CCDC106: variants seen among roughly 807,000 people sequenced by gnomAD.
CCDC106 encodes the protein coiled-coil domain containing 106.
In CCDC106, 17 loss-of-function variants were observed where a neutral mutation model predicts 24.7. That is an observed-to-expected ratio of 0.69 (90% CI 0.47 to 1.03). The LOEUF is 1.03. Among genes scored for constraint, CCDC106 ranks in the 50% least tolerant of loss-of-function variants. The pLI, the probability that CCDC106 is intolerant of heterozygous loss-of-function variation, is 0.00. For synonymous variants in CCDC106, 211 were observed against 161.3 expected, an observed-to-expected ratio of 1.31 and a Z score of -2.34; for missense variants, 337 against 388.9, an observed-to-expected ratio of 0.87 and a Z score of 1.12.
rs1244012689 is a variant in CCDC106 at position 55,649,535 on chromosome 19, C to T, written c.264C>T (p.Phe88=). 2 of 1,614,152 alleles carry T rather than the reference C, an allele frequency of 1.2e-6. No individual in the cohort carries two copies. The highest frequency in any genetic ancestry group is 1.1e-5 in the South Asian group (1 of 91,086). ...RIEDLEEERD[F]LRCQLDKFIS... ...AGGACCTGGAGGAAGAGAGGGACTTCCTGCGGTGCCAGCTGGACAAATTCA... is the reference window on the plus strand; with the variant it reads ...AGGACCTGGAGGAAGAGAGGGACTTTCTGCGGTGCCAGCTGGACAAATTCA... The change falls in exon 3 of 5, where the codon TTC becomes TTT. Residue 88 remains phenylalanine (F), a synonymous_variant. Transcript: ENST00000586790.
At chr19:55,650,694 G>C (rs1983191510) in intron 3 of CCDC106, among the ~76,000 whole-genome samples, 1 of 152,144 alleles carries the variant, frequency 6.6e-6, no homozygotes, top group South Asian at 2.1e-4. Context: ...GTTCCATCCT[G>C]GGTGACTGAC....
At position 55,651,407 on chromosome 19, in the gene CCDC106, C is replaced by T. The variant is rs1236259835; in HGVS notation, c.438C>T (p.Gly146=). The T allele has an allele frequency of 6.2e-7, 1 of 1,610,712 alleles. No homozygotes were observed. The highest frequency in any genetic ancestry group is 8.5e-7 in the Non-Finnish European group (1 of 1,178,700). Residue 146 remains glycine, a synonymous_variant, in exon 4 of 5, where the codon GGC becomes GGT. Coordinates refer to ENST00000586790, the MANE Select transcript of CCDC106 (RefSeq NM_001370470.1). ...CCCTCAGCGGAGCGTCCGAAGAAGG[C>T]AGCGCCAGTGAGAGGAGGCGGCAGA... ...ASSLSGASEE[G]SASERRRQKQ... is the part of the protein sequence containing the mutation.
rs1325802945 is a variant in CCDC106 at position 55,649,012 on chromosome 19, GC to G, written c.-32del. On this transcript the variant is annotated 5_prime_UTR_variant, in exon 1 of 5. Coordinates refer to ENST00000586790, the MANE Select transcript of CCDC106 (RefSeq NM_001370470.1). ...GCCGTTTCTGTCCAGTGCCCCTGAG[GC>G]CCTCGGCTGCTGGGGTCCGTAGGAA... is the stretch of plus-strand genomic sequence containing the variant. 9.3e-6 allele frequency: 15 copies of G among 1,610,764 alleles called. No homozygotes were observed. The highest frequency in any genetic ancestry group is 1.3e-5 in the Non-Finnish European group (15 of 1,178,728).
At chr19:55,651,225 G>T in intron 3 of CCDC106, 58 bp from the exon 4 acceptor site, 2 of 1,338,758 alleles carry the variant, frequency 1.5e-6, no homozygotes, top group Middle Eastern at 1.8e-4. Context: ...TCTCAGTCCC[G>T]GGACCTGTGA....
intron 4 of CCDC106, 60 bp downstream of exon 4, chr19:55,651,555 C>A (rs1983279479): frequency 8.3e-7 from 1 of 1,205,380 alleles, no homozygotes; most frequent in Non-Finnish European, 1.2e-6. Context: ...GCTGTGTGTC[C>A]TTCCCAGAGG....
At chr19:55,649,168 G>A (rs1983067224) in intron 1 of CCDC106, 37 bp from the exon 2 acceptor site, 2 of 1,610,158 alleles carry the variant, frequency 1.2e-6, no homozygotes, top group African/African-American at 2.7e-5. Flanking sequence ...GAGGCCCGGG[G>A]AATTCTCTGG....
Position 55,648,436 on chromosome 19 carries a change from G to GA in CCDC106, c.-611_-610insA, listed in dbSNP as rs968799666. The GA allele has an allele frequency of 4.5e-3, 680 of 152,376 alleles. 7 individuals are homozygous for GA. The highest frequency in any genetic ancestry group is 6.5e-3 in the Non-Finnish European group (443 of 68,242). 9.4% of individuals were successfully genotyped at this position (152,376 alleles called of 1,614,324 possible). On this transcript the variant is annotated 5_prime_UTR_variant, in exon 1 of 5. It introduces an in-frame stop codon into an upstream open reading frame of the 5' UTR. Transcript: ENST00000586790. ...GCGGGACAAAGGGCGGGGGCGGGGG[G>GA]GGCGCACCCCCACGCGTGACCTTTC... is the stretch of plus-strand genomic sequence containing the variant.
chr19:55,649,688 C>T lies in CCDC106; in HGVS notation c.313+104C>T. The T allele has an allele frequency of 2.8e-6, 3 of 1,089,478 alleles. No individual in the cohort carries two copies. The South Asian group carries it at 4.6e-5, about 17-fold the overall frequency. 67.5% of individuals were successfully genotyped at this position (1,089,478 alleles called of 1,614,324 possible). On this transcript the variant is annotated intron_variant, in intron 3 of 4. Transcript: ENST00000586790. ...TGTTTGGCTGGCTGGGTGGGACCTGCCATGTTGGCCCTATCTGCTAGTCCC... is the reference window on the plus strand; with the variant it reads ...TGTTTGGCTGGCTGGGTGGGACCTGTCATGTTGGCCCTATCTGCTAGTCCC...
rs1271073957 is a variant in CCDC106 at position 55,653,080 on chromosome 19, G to GA, written c.*335dup. On this transcript the variant is annotated 3_prime_UTR_variant, in exon 5 of 5. Transcript: ENST00000586790. ...GGAGGAGCTGCCCACCTGATTCCCG[G>GA]ACAGACCTCCCCAACTCCGCGTGAG... 1 of 272,242 alleles carries GA rather than the reference G, an allele frequency of 3.7e-6. No homozygotes were observed. The highest frequency in any genetic ancestry group is 7.8e-5 in the East Asian group (1 of 12,882). The allele number at this position is 272,242 out of a possible 1,614,324, so 16.9% of individuals were successfully genotyped here.
At chr19:55,651,674 G>GC (rs1983290805) in intron 4 of CCDC106, among the ~76,000 whole-genome samples, 179 bp downstream of exon 4, 1 of 150,010 alleles carries the variant, frequency 6.7e-6, no homozygotes, top group African/African-American at 2.5e-5. Flanking sequence ...TTTTTTTTTG[G>GC]CGGGGGGGAC....
chr19:55,651,853 A>G (rs1195298007), intron 4 of CCDC106, among the ~76,000 whole-genome samples: 1 of 152,076 alleles, frequency 6.6e-6, no homozygotes, highest in Non-Finnish European at 1.5e-5. Flanking sequence ...AGTAGAGGCC[A>G]GGGTTTCACC....
chr19:55,653,028 C>G lies in CCDC106; in HGVS notation c.*282C>G, dbSNP rs1304359858. On this transcript the variant is annotated 3_prime_UTR_variant, in exon 5 of 5. Coordinates refer to ENST00000586790, the MANE Select transcript of CCDC106 (RefSeq NM_001370470.1). ...CCCCCCCCTCGAGTGGGGGACTGTA[C>G]AGACCCCGTCTCCGCCCTGGCCCCG... is the stretch of plus-strand genomic sequence containing the variant. The G allele has an allele frequency of 2.5e-6, 1 of 403,954 alleles. No homozygotes were observed. The highest frequency in any genetic ancestry group is 2.1e-5 in the African/African-American group (1 of 46,982). 25.0% of individuals were successfully genotyped at this position (403,954 alleles called of 1,614,324 possible).
rs2123644558 is a variant in CCDC106 at position 55,648,355 on chromosome 19, C to T, written c.-692C>T. The T allele has an allele frequency of 6.6e-6, 1 of 152,252 alleles. No individual in the cohort carries two copies. Among genetic ancestry groups the T allele is most frequent in the East Asian group, 1.9e-4 (1 of 5,162 alleles). The allele number at this position is 152,252 out of a possible 1,614,324, so 9.4% of individuals were successfully genotyped here. On this transcript the variant is annotated 5_prime_UTR_variant, in exon 1 of 5. Coordinates refer to ENST00000586790, the MANE Select transcript of CCDC106 (RefSeq NM_001370470.1). ...GGGGATGGTGGCCGCGTTTGCACCCCCGCCCTAGTGCATGTTCCCGCTGGA... is the reference window on the plus strand; with the variant it reads ...GGGGATGGTGGCCGCGTTTGCACCCTCGCCCTAGTGCATGTTCCCGCTGGA...
chr19:55,647,867 T>C (rs1018309296), upstream of CCDC106: 1 of 152,032 alleles, frequency 6.6e-6, no homozygotes, highest in African/African-American at 2.4e-5. Context: ...AACACTCTCC[T>C]GCCTTCTGGG....
Position 55,652,539 on chromosome 19 carries a change from C to A in CCDC106, c.636C>A (p.Thr212=), listed in dbSNP as rs754086998. Residue 212 remains threonine (T), a synonymous_variant, in exon 5 of 5, where the codon ACC becomes ACA. Coordinates refer to ENST00000586790, the MANE Select transcript of CCDC106 (RefSeq NM_001370470.1). This position sits in a 1 kb window ranked among gnomAD's most constrained non-coding sequence, Gnocchi z 5.9. ...AFEHHRVDRN[T]VALTTPIAEL... ...AGCACCACCGCGTGGACAGGAACAC[C>A]GTGGCGCTGACCACGCCCATCGCCG... 6.2e-7 allele frequency: 1 copy of A among 1,613,688 alleles called. No individual in the cohort carries two copies. The highest frequency in any genetic ancestry group is 2.2e-5 in the East Asian group (1 of 44,868).
At chr19:55,649,677 G>GTCCCACCCAGCCA in intron 3 of CCDC106, 93 bp downstream of exon 3, 3 of 1,255,436 alleles carry the variant, frequency 2.4e-6, no homozygotes, top group Non-Finnish European at 3.3e-6. Context: ...TGGCTGGCTG[G>GTCCCACCCAGCCA]GTGGGACCTG....
intron 3 of CCDC106, among the ~76,000 whole-genome samples, chr19:55,650,395 G>C (rs540288387): frequency 6.6e-6 from 1 of 152,198 alleles, no homozygotes; most frequent in African/African-American, 2.4e-5. Context: ...CTCTTCCCCG[G>C]ATGGTCAGGC....
chr19:55,650,304 C>T (rs752029833), intron 3 of CCDC106, among the ~76,000 whole-genome samples: 1 of 152,220 alleles, frequency 6.6e-6, no homozygotes, highest in African/African-American at 2.4e-5. Flanking sequence ...CACCCAGCCC[C>T]AGCCAGTTCA....
chr19:55,650,447 C>A (rs1422527650), intron 3 of CCDC106, among the ~76,000 whole-genome samples: 1 of 151,846 alleles, frequency 6.6e-6, no homozygotes, highest in Non-Finnish European at 1.5e-5. Context: ...CCACACTCTA[C>A]CCCACCTACC....
Sources: gnomAD v4.1 joint callset for allele counts (sites outside exome capture counted in the v4.1 genomes callset) on GRCh38, gnomAD v4.1.1 for gene constraint, Gnocchi (gnomAD v3.1) non-coding constraint, MANE v1.5 for transcripts, NCBI Gene and HGNC (gene_info 2026-07-23, HGNC 2026-07-21) for gene names.